TTLL11: variants seen among roughly 807,000 people sequenced by gnomAD.
TTLL11 encodes the protein tubulin polyglutamylase TTLL11.
Under a neutral mutation model 51.7 loss-of-function variants are expected in TTLL11, and 42 were observed. The ratio of observed to expected loss-of-function variants is 0.81; its 90% confidence interval spans 0.64 to 1.05. The LOEUF (loss-of-function observed/expected upper bound fraction) is 1.05. Among genes scored for constraint, TTLL11 ranks in the 50% least tolerant of loss-of-function variants. The pLI is 0.00. For synonymous variants in TTLL11, 381 were observed against 383.5 expected (o/e 0.99, Z 0.08); for missense variants, 799 against 940.4 (o/e 0.85, Z 1.97).
Position 122,086,167 on chromosome 9 carries a change from C to T in TTLL11, c.462+6520G>A, listed in dbSNP as rs188434457. On this transcript the variant is annotated intron_variant, in intron 1 of 8. Coordinates refer to ENST00000321582, the MANE Select transcript of TTLL11 (RefSeq NM_001139442.2). ...ACACCTGCTTAAAAACACACAGACA[C>T]GATTTTAATTTATAGGAGTTATAGA... is the stretch of plus-strand genomic sequence containing the variant. Among the ~76,000 whole-genome samples the T allele has an allele frequency of 3.1e-4, 47 of 152,312 alleles. 2 individuals carry two copies. Among genetic ancestry groups the T allele is most frequent in the South Asian group, 2.7e-3 (13 of 4,826 alleles).
chr9:122,055,983 G>A (rs970491940), intron 1 of TTLL11, among the ~76,000 whole-genome samples: 4 of 152,180 alleles, frequency 2.6e-5, no homozygotes, highest in South Asian at 2.1e-4. Flanking sequence ...GAGCTGCCTC[G>A]GGCATTCACA....
At chr9:121,931,171 T>C (rs530223302) in intron 6 of TTLL11, among the ~76,000 whole-genome samples, 1 of 152,380 alleles carries the variant, frequency 6.6e-6, no homozygotes, top group African/African-American at 2.4e-5. Context: ...GGAAATTGCC[T>C]GAGTGGCACC....
intron 6 of TTLL11, among the ~76,000 whole-genome samples, chr9:121,874,178 T>A (rs1588085962): frequency 6.6e-6 from 1 of 152,134 alleles, no homozygotes; most frequent in Non-Finnish European, 1.5e-5. Flanking sequence ...TTTTTAAGTT[T>A]TTTTTGTAGA....
chr9:122,085,085 C>A, intron 1 of TTLL11, among the ~76,000 whole-genome samples: 1 of 152,050 alleles, frequency 6.6e-6, no homozygotes, highest in Non-Finnish European at 1.5e-5. Context: ...CATGGTGAAA[C>A]CCCATAGCTA....
At chr9:121,903,055 C>A (rs933011715) in intron 6 of TTLL11, among the ~76,000 whole-genome samples, 1 of 152,152 alleles carries the variant, frequency 6.6e-6, no homozygotes, top group Non-Finnish European at 1.5e-5. Flanking sequence ...GAAGTTCAGA[C>A]ACATTCTCTG....
intron 4 of TTLL11, among the ~76,000 whole-genome samples, chr9:121,985,477 G>A (rs927461340): frequency 6.6e-6 from 1 of 151,352 alleles, no homozygotes; most frequent in Non-Finnish European, 1.5e-5. Context: ...TAAAGTAAGA[G>A]AGGGCTCCAA....
At chr9:122,073,072 A>G (rs1239052799) in intron 1 of TTLL11, among the ~76,000 whole-genome samples, 1 of 152,210 alleles carries the variant, frequency 6.6e-6, no homozygotes, top group Non-Finnish European at 1.5e-5. Context: ...AATAATAACA[A>G]TAATGAACAA....
intron 8 of TTLL11, among the ~76,000 whole-genome samples, chr9:121,836,777 T>C (rs1041479008): frequency 5.3e-5 from 8 of 152,182 alleles, no homozygotes; most frequent in African/African-American, 1.9e-4. Context: ...AGTCATTGCC[T>C]GGAAGAGGCA....
At position 121,818,924 on chromosome 9, in the gene TTLL11, CT is replaced by C. The variant is rs894575420; in HGVS notation, c.*3662del. 6.6e-5 allele frequency: 10 copies of C among 152,452 alleles called. No individual in the cohort carries two copies. Among genetic ancestry groups the C allele is most frequent in the Admixed American group, 4.6e-4 (7 of 15,272 alleles). 9.4% of individuals were successfully genotyped at this position (152,452 alleles called of 1,614,324 possible). On this transcript the variant is annotated 3_prime_UTR_variant, in exon 9 of 9. Coordinates refer to ENST00000321582, the MANE Select transcript of TTLL11 (RefSeq NM_001139442.2). ...TTCAATAGGTGACTGGACGTCAGCT[CT>C]GTGGCTCTCCAAGTTCCTTCCAGAC...
At chr9:121,888,030 C>T (rs545292532) in intron 6 of TTLL11, among the ~76,000 whole-genome samples, 21 of 152,274 alleles carry the variant, frequency 1.4e-4, no homozygotes, top group African/African-American at 4.3e-4. Flanking sequence ...TTTGCTCACC[C>T]GGGTGGGACA....
rs541158161 is a variant in TTLL11 at position 121,995,549 on chromosome 9, T to C, written c.694-5779A>G. On this transcript the variant is annotated intron_variant, in intron 3 of 8. Coordinates refer to ENST00000321582, the MANE Select transcript of TTLL11 (RefSeq NM_001139442.2). This position sits in a 1 kb window ranked among gnomAD's most constrained non-coding sequence, Gnocchi z 4.4. ...AGCTCACGGTTTGGGACTTCAGCAA[T>C]TTTGGGAGGGGTGATGTTACCATTA... 6.8e-4 allele frequency among the ~76,000 whole-genome samples: 104 copies of C among 152,028 alleles called. 1 individual carries two copies. Among genetic ancestry groups the C allele is most frequent in the Admixed American group, 5.2e-4 (8 of 15,278 alleles).
intron 8 of TTLL11, among the ~76,000 whole-genome samples, chr9:121,855,223 G>A (rs1242904213): frequency 2.0e-5 from 3 of 152,158 alleles, no homozygotes; most frequent in Admixed American, 6.5e-5. Context: ...TAGGTTATGC[G>A]TGGATCATGA....
At chr9:121,836,523 C>T (rs752423084) in intron 8 of TTLL11, among the ~76,000 whole-genome samples, 17 of 152,310 alleles carry the variant, frequency 1.1e-4, no homozygotes, top group East Asian at 5.8e-4. Context: ...AAACCTCCCC[C>T]GACACCCCAG....
At chr9:122,070,626 G>A (rs1564384594) in intron 1 of TTLL11, among the ~76,000 whole-genome samples, 1 of 152,192 alleles carries the variant, frequency 6.6e-6, no homozygotes, top group African/African-American at 2.4e-5. Context: ...TGATCTTCCA[G>A]TAGGGCTGGA....
intron 1 of TTLL11, among the ~76,000 whole-genome samples, chr9:122,040,872 T>C (rs939889685): frequency 3.9e-5 from 6 of 152,264 alleles, no homozygotes; most frequent in African/African-American, 1.4e-4. Context: ...CTGTAAGTTA[T>C]TAATTCAGTA....
At chr9:121,908,838 G>C (rs1043464022) in intron 6 of TTLL11, among the ~76,000 whole-genome samples, 1 of 152,122 alleles carries the variant, frequency 6.6e-6, no homozygotes, top group Non-Finnish European at 1.5e-5. Flanking sequence ...ACTTTCTAAG[G>C]TAATTAGGGC....
At chr9:121,973,320 G>C (rs1842620915) in intron 6 of TTLL11, among the ~76,000 whole-genome samples, 1 of 152,162 alleles carries the variant, frequency 6.6e-6, no homozygotes, top group African/African-American at 2.4e-5. Context: ...CTGCAAGAGT[G>C]TAAACATGAA....
chr9:121,898,023 A>G (rs1839606450), intron 6 of TTLL11, among the ~76,000 whole-genome samples: 1 of 150,046 alleles, frequency 6.7e-6, no homozygotes, highest in Non-Finnish European at 1.5e-5. Context: ...GGTTCAAGCA[A>G]CTCTCATGCC....
chr9:121,944,168 T>C (rs1443161051), intron 6 of TTLL11, among the ~76,000 whole-genome samples: 1 of 152,206 alleles, frequency 6.6e-6, no homozygotes, highest in Non-Finnish European at 1.5e-5. Flanking sequence ...ACTTTTGCCC[T>C]TGGGGTAATT....
Sources: gnomAD v4.1 joint callset for allele counts (sites outside exome capture counted in the v4.1 genomes callset) on GRCh38, gnomAD v4.1.1 for gene constraint, Gnocchi (gnomAD v3.1) non-coding constraint, MANE v1.5 for transcripts, NCBI Gene and HGNC (gene_info 2026-07-23, HGNC 2026-07-21) for gene names.